CD200R1: variants seen among roughly 807,000 people sequenced by gnomAD.
CD200R1 encodes CD200 receptor 1, also known as cell surface glycoprotein CD200 receptor 1.
Under a neutral mutation model 38.1 loss-of-function variants are expected in CD200R1, and 30 were observed. That is an observed-to-expected ratio of 0.79 (90% confidence interval 0.59 to 1.07). CD200R1 has a LOEUF of 1.07. Among genes scored for constraint, CD200R1 ranks in the 50% least tolerant of loss-of-function variants. The probability of loss-of-function intolerance (pLI) is 0.00; values close to 1 mark genes in which losing one functional copy is unlikely to be tolerated. For missense variants in CD200R1, 372 were observed against 415.4 expected (o/e 0.90, Z 0.91); for synonymous variants, 128 against 152.1 (o/e 0.84, Z 1.16).
intron 1 of CD200R1, among the ~76,000 whole-genome samples, chr3:112,969,888 C>T (rs530663778): frequency 6.6e-6 from 1 of 152,142 alleles, no homozygotes; most frequent in East Asian, 1.9e-4. Context: ...AGTGGAAAAA[C>T]TGGCCAGGTA....
chr3:112,928,470 T>G (rs1940331643), intron 5 of CD200R1, among the ~76,000 whole-genome samples: 1 of 152,156 alleles, frequency 6.6e-6, no homozygotes, highest in Non-Finnish European at 1.5e-5. Context: ...CAACTTTGAG[T>G]AAATGTATCC....
At chr3:112,931,837 G>T (rs896157490) in intron 2 of CD200R1, among the ~76,000 whole-genome samples, 17 of 151,984 alleles carry the variant, frequency 1.1e-4, no homozygotes, top group African/African-American at 4.1e-4. Flanking sequence ...AAAAGTAGTG[G>T]AGAGGAGCTC....
intron 1 of CD200R1, among the ~76,000 whole-genome samples, chr3:112,966,541 T>C (rs1419276227): frequency 2.0e-5 from 3 of 152,172 alleles, no homozygotes; most frequent in Non-Finnish European, 4.4e-5. Context: ...AAATGAATCA[T>C]ATAACCAGAT....
chr3:112,922,880 C>G lies in CD200R1; in HGVS notation c.*797G>C, dbSNP rs1478735978. 6.6e-6 allele frequency: 1 copy of G among 151,796 alleles called. No homozygotes were observed. Among genetic ancestry groups the G allele is most frequent in the Admixed American group, 6.6e-5 (1 of 15,186 alleles). 9.4% of individuals were successfully genotyped at this position (151,796 alleles called of 1,614,324 possible). On this transcript the variant is annotated 3_prime_UTR_variant, in exon 8 of 8. Coordinates refer to ENST00000308611, the MANE Select transcript of CD200R1 (RefSeq NM_138806.4). Reference sequence around the variant, plus strand: ...GACATATATATTTGACACAATTTAACATATATATCAATAGTAAAATGCACA... The same window carrying G: ...GACATATATATTTGACACAATTTAAGATATATATCAATAGTAAAATGCACA...
At chr3:112,929,606 G>A (rs1940377988) in intron 3 of CD200R1, 99 bp from the exon 4 acceptor site, 1 of 1,104,430 alleles carries the variant, frequency 9.1e-7, no homozygotes, top group South Asian at 1.7e-5. Flanking sequence ...ACATAACTTT[G>A]TTGGTGATCT....
At position 112,933,139 on chromosome 3, in the gene CD200R1, G is replaced by A. The variant is rs142997396; in HGVS notation, c.137-1968C>T. On this transcript the variant is annotated intron_variant, in intron 2 of 7. Coordinates refer to ENST00000308611, the MANE Select transcript of CD200R1 (RefSeq NM_138806.4). ...TACCCAGGGCCTAAGAAATAATCTG[G>A]TGGGCCCACTCTCAGCAGACATGCC... 6.6e-5 allele frequency among the ~76,000 whole-genome samples: 10 copies of A among 152,248 alleles called. No individual in the cohort carries two copies. The East Asian group carries it at 1.9e-3, about 29-fold the overall frequency.
intron 1 of CD200R1, among the ~76,000 whole-genome samples, chr3:112,965,747 G>C (rs1157766889): frequency 6.6e-6 from 1 of 151,900 alleles, no homozygotes; most frequent in Non-Finnish European, 1.5e-5. Flanking sequence ...GCGACAGAGT[G>C]AGACTCCATC....
chr3:112,936,089 T>C (rs561142508), intron 2 of CD200R1, among the ~76,000 whole-genome samples: 7 of 152,152 alleles, frequency 4.6e-5, no homozygotes, highest in Non-Finnish European at 7.4e-5. Context: ...CTGAGGATAA[T>C]CTAATCACCT....
intron 2 of CD200R1, among the ~76,000 whole-genome samples, chr3:112,947,606 T>C (rs1940892575): frequency 6.6e-6 from 1 of 152,328 alleles, no homozygotes; most frequent in South Asian, 2.1e-4. Context: ...GATAATAATC[T>C]AGGTTTCAAA....
intron 1 of CD200R1, among the ~76,000 whole-genome samples, chr3:112,965,551 A>G (rs979025624): frequency 1.3e-5 from 2 of 152,132 alleles, no homozygotes; most frequent in Non-Finnish European, 2.9e-5. Context: ...TCACGAGGTC[A>G]ACAGATGGAG....
At chr3:112,924,096 T>G (rs921117075) in intron 7 of CD200R1, among the ~76,000 whole-genome samples, 19 of 151,896 alleles carry the variant, frequency 1.3e-4, no homozygotes, top group African/African-American at 4.6e-4. Context: ...AGTAAGCTAC[T>G]TATAATAAGA....
chr3:112,944,535 T>C (rs1408240141), intron 2 of CD200R1, among the ~76,000 whole-genome samples: 3 of 152,020 alleles, frequency 2.0e-5, no homozygotes, highest in Non-Finnish European at 4.4e-5. Flanking sequence ...TCATAATTAA[T>C]GGTGAGAAAG....
intron 1 of CD200R1, among the ~76,000 whole-genome samples, chr3:112,955,834 T>G (rs1001977843): frequency 3.9e-5 from 6 of 152,052 alleles, no homozygotes; most frequent in Non-Finnish European, 7.4e-5. Flanking sequence ...TCCTACTCTT[T>G]TCTGGCCCAT....
chr3:112,966,635 A>C (rs1933170588), intron 1 of CD200R1, among the ~76,000 whole-genome samples: 2 of 152,220 alleles, frequency 1.3e-5, no homozygotes, highest in Admixed American at 1.3e-4. Context: ...AAAAGAAAAG[A>C]AATTACTGAA....
At chr3:112,961,263 C>T (rs1933010940) in intron 1 of CD200R1, among the ~76,000 whole-genome samples, 1 of 151,852 alleles carries the variant, frequency 6.6e-6, no homozygotes, top group African/African-American at 2.4e-5. Context: ...CACTCAAATT[C>T]CTGGAGGGAA....
chr3:112,965,010 C>T (rs1933120976), intron 1 of CD200R1, among the ~76,000 whole-genome samples: 1 of 152,150 alleles, frequency 6.6e-6, no homozygotes, highest in African/African-American at 2.4e-5. Context: ...GTGCCTTTCA[C>T]CTTCTACCAT....
At chr3:112,934,178 T>C (rs770427000) in intron 2 of CD200R1, among the ~76,000 whole-genome samples, 1 of 152,084 alleles carries the variant, frequency 6.6e-6, no homozygotes, top group Non-Finnish European at 1.5e-5. Flanking sequence ...CTCTAAGGAA[T>C]GTTATAGTCA....
chr3:112,935,761 C>CA (rs975252680), intron 2 of CD200R1, among the ~76,000 whole-genome samples: 1 of 152,000 alleles, frequency 6.6e-6, no homozygotes, highest in African/African-American at 2.4e-5. Flanking sequence ...AAAAGAAATG[C>CA]AAAAAACCAA....
chr3:112,947,954 A>G (rs764853826), intron 1 of CD200R1, 30 bp from the exon 2 acceptor site: 2 of 1,411,974 alleles, frequency 1.4e-6, no homozygotes, highest in South Asian at 2.3e-5. Context: ...TAGGGGGTAG[A>G]GAGAGAAATA....
Sources: gnomAD v4.1 joint callset for allele counts (sites outside exome capture counted in the v4.1 genomes callset) on GRCh38, gnomAD v4.1.1 for gene constraint, MANE v1.5 for transcripts, NCBI Gene and HGNC (gene_info 2026-07-23, HGNC 2026-07-21) for gene names.